DOCK10: variants seen among roughly 807,000 people sequenced by gnomAD.
DOCK10 encodes dedicator of cytokinesis 10, also known as dedicator of cytokinesis protein 10.
In DOCK10, 145 loss-of-function variants were observed where a neutral mutation model predicts 280.1. The observed-to-expected ratio is 0.52, with a 90% CI of 0.45 to 0.59. The LOEUF (loss-of-function observed/expected upper bound fraction) is 0.59. Ranked by LOEUF, DOCK10 falls within the 20% of genes least tolerant of loss-of-function variation. The pLI, the probability that DOCK10 is intolerant of heterozygous loss-of-function variation, is 0.00. For missense variants in DOCK10, 2,368 were observed against 2,651.7 expected, an observed-to-expected ratio of 0.89 and a Z score of 2.35; for synonymous variants, 915 against 942.2, an observed-to-expected ratio of 0.97 and a Z score of 0.53.
chr2:224,958,417 G>A (rs960924305), intron 1 of DOCK10, among the ~76,000 whole-genome samples: 2 of 152,228 alleles, frequency 1.3e-5, no homozygotes, highest in Non-Finnish European at 2.9e-5. Context: ...AAGGAAGGGA[G>A]TAGCCAGAAG....
At chr2:224,814,457 A>G (rs1693991176) in intron 30 of DOCK10, 93 bp from the exon 31 acceptor site, 1 of 584,952 alleles carries the variant, frequency 1.7e-6, no homozygotes, top group East Asian at 3.4e-5. Flanking sequence ...TGAACAATTA[A>G]ACTATATTAT....
intron 22 of DOCK10, 81 bp downstream of exon 22, chr2:224,844,672 G>A (rs1696210474): frequency 1.1e-6 from 1 of 902,136 alleles, no homozygotes; most frequent in Admixed American, 2.0e-5. Flanking sequence ...GAAATGATTA[G>A]TCTCATCCTG....
At chr2:224,983,579 T>G (rs543404285) in intron 1 of DOCK10, 1 of 309,002 alleles carries the variant, frequency 3.2e-6, no homozygotes, top group South Asian at 2.9e-5. Context: ...TGAGGAAGGA[T>G]TGTTTTGCTG....
At position 224,853,064 on chromosome 2, in the gene DOCK10, TTC is replaced by T; in HGVS notation, c.1945_1946del (p.Glu649ThrfsTer23). 6.2e-7 allele frequency: 1 copy of T among 1,610,814 alleles called. No homozygotes were observed. The highest frequency in any genetic ancestry group is 1.1e-5 in the South Asian group (1 of 90,590). ...VKPFNMMAQT[E>X]PTVEVEEFVY... ...CAAATTCTTCCACCTCCACTGTGGGTTCTGTTTGAGCCATCATGTTGAAAGGC... is the reference window on the plus strand; with the variant it reads ...CAAATTCTTCCACCTCCACTGTGGGTTGTTTGAGCCATCATGTTGAAAGGC... On this transcript the variant is annotated frameshift_variant, in exon 17 of 56. Coordinates refer to ENST00000258390, the MANE Select transcript of DOCK10 (RefSeq NM_014689.3). LOFTEE classifies it high-confidence loss of function.
chr2:224,773,354 A>G lies in DOCK10; in HGVS notation c.6014-7T>C. 6.2e-7 allele frequency: 1 copy of G among 1,604,310 alleles called. No individual in the cohort carries two copies. Among genetic ancestry groups the G allele is most frequent in the Non-Finnish European group, 8.5e-7 (1 of 1,175,078 alleles). ...TAGGGGAACAGGTGACTCGCTGTAC[A>G]AAAGCCATACAAAGGGATTTCAAGG... On this transcript the variant is annotated splice_polypyrimidine_tract_variant and splice_region_variant and intron_variant, in intron 52 of 55. Coordinates refer to ENST00000258390, the MANE Select transcript of DOCK10 (RefSeq NM_014689.3).
chr2:224,933,619 C>T (rs958777955), intron 1 of DOCK10, among the ~76,000 whole-genome samples: 1 of 152,154 alleles, frequency 6.6e-6, no homozygotes, highest in Non-Finnish European at 1.5e-5. Context: ...TCAGGAAGCT[C>T]TTACGTCTGC....
intron 1 of DOCK10, among the ~76,000 whole-genome samples, chr2:225,041,633 C>T (rs951753889): frequency 2.0e-5 from 3 of 152,224 alleles, no homozygotes; most frequent in African/African-American, 4.8e-5. Context: ...TAATGACCCA[C>T]GTCTCCTCCA....
intron 39 of DOCK10, among the ~76,000 whole-genome samples, chr2:224,803,282 A>C (rs963500186): frequency 2.0e-5 from 3 of 152,018 alleles, no homozygotes; most frequent in Non-Finnish European, 4.4e-5. Flanking sequence ...AAAAATGTCC[A>C]TTACATTTTT....
chr2:224,819,501 T>C lies in DOCK10; in HGVS notation c.3212A>G (p.Tyr1071Cys), dbSNP rs552775428. 40 of 1,610,808 alleles carry C rather than the reference T, an allele frequency of 2.5e-5. No individual in the cohort carries two copies. The South Asian group carries it at 3.7e-4, about 15-fold the overall frequency. The change falls in exon 29 of 56, where the codon TAT becomes TGT. Residue 1071 changes from tyrosine to cysteine, a missense_variant. Transcript: ENST00000258390. Reference protein sequence around the residue: ...KRCFTFMDRGYVFKMVNNYIS... With the variant: ...KRCFTFMDRGCVFKMVNNYIS... Reference sequence around the variant, plus strand: ...GTAATTGTTGACCATCTTAAACACATACCCTCGGTCCATAAATGTAAAGCA... The same window carrying C: ...GTAATTGTTGACCATCTTAAACACACACCCTCGGTCCATAAATGTAAAGCA...
chr2:225,037,031 C>A (rs1481394351), intron 1 of DOCK10, among the ~76,000 whole-genome samples: 1 of 152,176 alleles, frequency 6.6e-6, no homozygotes, highest in African/African-American at 2.4e-5. Flanking sequence ...AAAAAAGAAT[C>A]CCAACACAAC....
At chr2:224,774,651 A>G (rs923723948) in intron 52 of DOCK10, among the ~76,000 whole-genome samples, 9 of 152,330 alleles carry the variant, frequency 5.9e-5, no homozygotes, top group Middle Eastern at 3.4e-3. Flanking sequence ...CACTGACCCC[A>G]TCACCCTTCA....
intron 50 of DOCK10, among the ~76,000 whole-genome samples, chr2:224,783,344 G>A (rs1191667645): frequency 6.7e-6 from 1 of 149,822 alleles, no homozygotes; most frequent in Non-Finnish European, 1.5e-5. Context: ...GCACGATCTT[G>A]GCTCACTGCA....
At chr2:224,900,201 G>T (rs556722660) in intron 3 of DOCK10, among the ~76,000 whole-genome samples, 1 of 151,870 alleles carries the variant, frequency 6.6e-6, no homozygotes, top group Non-Finnish European at 1.5e-5. Flanking sequence ...AGGTGTAGCC[G>T]AATCTAAGAT....
intron 1 of DOCK10, among the ~76,000 whole-genome samples, chr2:225,020,348 A>C (rs1248175270): frequency 6.6e-6 from 1 of 152,224 alleles, no homozygotes; most frequent in African/African-American, 2.4e-5. Flanking sequence ...AGTCACAGCA[A>C]AGACTAGCAT....
rs1690376476 is a variant in DOCK10 at position 224,770,645 on chromosome 2, C to T, written c.6205G>A (p.Val2069Ile). 2.5e-6 allele frequency: 4 copies of T among 1,612,144 alleles called. No individual in the cohort carries two copies. The highest frequency in any genetic ancestry group is 3.4e-6 in the Non-Finnish European group (4 of 1,178,256). The change falls in exon 54 of 56, where the codon GTT becomes ATT. Residue 2069 changes from valine to isoleucine, a missense_variant and splice_region_variant. Around this residue, in one of 2 missense-constraint regions of DOCK10, gnomAD observed 1,159 missense variants for 1,400.8 expected, o/e 0.83. Coordinates refer to ENST00000258390, the MANE Select transcript of DOCK10 (RefSeq NM_014689.3). This position sits in a 1 kb window ranked among gnomAD's most constrained non-coding sequence, Gnocchi z 4.5. ...LKLQGSVSVK[V>I]NAGPMAYARA... ...GCATAGGCCATTGGCCCAGCATTAA[C>T]CTGTTGAGAAGAAAATTGGTGAAGG...
intron 7 of DOCK10, among the ~76,000 whole-genome samples, chr2:224,879,211 T>C (rs1559639109): frequency 6.6e-6 from 1 of 152,122 alleles, no homozygotes; most frequent in Non-Finnish European, 1.5e-5. Context: ...AAAGCAAACA[T>C]CTAGGCAGCT....
intron 1 of DOCK10, among the ~76,000 whole-genome samples, chr2:224,955,538 C>T (rs1703986958): frequency 6.6e-6 from 1 of 152,216 alleles, no homozygotes; most frequent in Non-Finnish European, 1.5e-5. Flanking sequence ...CTCCACAAAC[C>T]ACTTATTTAA....
intron 41 of DOCK10, among the ~76,000 whole-genome samples, chr2:224,799,910 G>T (rs532361096): frequency 6.6e-6 from 1 of 152,198 alleles, no homozygotes; most frequent in African/African-American, 2.4e-5. Context: ...CAAGATAAAT[G>T]AGGAAGAAAG....
chr2:224,830,671 T>C, intron 26 of DOCK10, 59 bp from the exon 27 acceptor site: 2 of 1,079,932 alleles, frequency 1.9e-6, no homozygotes, highest in South Asian at 1.9e-5. Flanking sequence ...TAATGATAAT[T>C]TTTTCTTTGC....
Sources: allele counts gnomAD v4.1 joint callset (sites outside exome capture counted in the v4.1 genomes callset), GRCh38; gene constraint gnomAD v4.1.1; regional missense constraint gnomAD v4.1.1; non-coding constraint Gnocchi (gnomAD v3.1); transcripts MANE v1.5; gene names NCBI Gene and HGNC (gene_info 2026-07-23, HGNC 2026-07-21).